SH3RF3: variants seen among roughly 807,000 people sequenced by gnomAD.
SH3RF3 encodes the protein E3 ubiquitin-protein ligase SH3RF3.
SH3RF3 carries 29 observed loss-of-function variants against 66.3 expected under a neutral mutation model. The ratio of observed to expected loss-of-function variants is 0.44; its 90% CI spans 0.33 to 0.60. The LOEUF (loss-of-function observed/expected upper bound fraction) is 0.60. Ranked by LOEUF, SH3RF3 falls within the 20% of genes least tolerant of loss-of-function variation. The pLI, the probability that SH3RF3 is intolerant of heterozygous loss-of-function variation, is 0.04. For synonymous variants in SH3RF3, 583 were observed against 532.0 expected (o/e 1.10, Z -1.32); for missense variants, 1,194 against 1,190.9 (o/e 1.00, Z -0.04).
chr2:109,499,344 G>A (rs1377398882), intron 9 of SH3RF3, among the ~76,000 whole-genome samples: 2 of 152,228 alleles, frequency 1.3e-5, no homozygotes, highest in South Asian at 4.1e-4. Context: ...CGTCAGCCAG[G>A]GGTTTTTAGG....
chr2:109,398,167 G>C (rs1463051167), intron 3 of SH3RF3, among the ~76,000 whole-genome samples: 1 of 152,206 alleles, frequency 6.6e-6, no homozygotes, highest in Admixed American at 6.5e-5. Context: ...GACCTGCAGT[G>C]CTCAGGGCAG....
At chr2:109,156,300 T>C (rs1208255723) in intron 1 of SH3RF3, among the ~76,000 whole-genome samples, 2 of 152,244 alleles carry the variant, frequency 1.3e-5, no homozygotes, top group African/African-American at 4.8e-5. Context: ...CTTCAGTGTT[T>C]TCTCCGCCCC....
intron 1 of SH3RF3, among the ~76,000 whole-genome samples, chr2:109,201,219 T>A (rs1335367306): frequency 1.3e-5 from 2 of 152,246 alleles, no homozygotes; most frequent in Non-Finnish European, 2.9e-5. Flanking sequence ...TAGTTTTGCC[T>A]CTTCTGCACT....
At chr2:109,219,483 G>A (rs1199861328) in intron 1 of SH3RF3, among the ~76,000 whole-genome samples, 1 of 151,964 alleles carries the variant, frequency 6.6e-6, no homozygotes, top group Non-Finnish European at 1.5e-5. Flanking sequence ...TAAATTATTG[G>A]CTTCCAAATT....
chr2:109,252,694 T>A (rs1307842374), intron 1 of SH3RF3, among the ~76,000 whole-genome samples: 2 of 152,208 alleles, frequency 1.3e-5, no homozygotes, highest in African/African-American at 4.8e-5. Flanking sequence ...CTAGCCTACT[T>A]TAAATGTACT....
At chr2:109,457,991 G>T (rs1678107944) in intron 8 of SH3RF3, among the ~76,000 whole-genome samples, 1 of 152,194 alleles carries the variant, frequency 6.6e-6, no homozygotes, top group South Asian at 2.1e-4. Context: ...AACAGAGAGT[G>T]CTGGGTTCGG....
chr2:109,401,776 C>A (rs1223567506), intron 4 of SH3RF3, among the ~76,000 whole-genome samples: 6 of 152,144 alleles, frequency 3.9e-5, no homozygotes, highest in Non-Finnish European at 8.8e-5. Flanking sequence ...GTTGCCATGG[C>A]CTCCGTGTTA....
intron 1 of SH3RF3, among the ~76,000 whole-genome samples, chr2:109,187,280 C>G (rs1006894525): frequency 2.6e-5 from 4 of 152,120 alleles, no homozygotes; most frequent in Non-Finnish European, 4.4e-5. Context: ...ACTCTTCGAT[C>G]TGATGTGACC....
chr2:109,454,746 T>A (rs752311460), intron 8 of SH3RF3, among the ~76,000 whole-genome samples: 8 of 152,152 alleles, frequency 5.3e-5, no homozygotes, highest in Non-Finnish European at 1.2e-4. Context: ...GGAGCTTCTG[T>A]GTTGCTGTGT....
chr2:109,361,016 TG>T (rs1683042247), intron 2 of SH3RF3, among the ~76,000 whole-genome samples: 2 of 152,352 alleles, frequency 1.3e-5, no homozygotes, highest in Admixed American at 6.5e-5. Context: ...TGTAGTTTAC[TG>T]AGAGTTTTTA....
rs182508330 is a variant in SH3RF3 at position 109,315,512 on chromosome 2, C to T, written c.574-32162C>T. On this transcript the variant is annotated intron_variant, in intron 1 of 9. Coordinates refer to ENST00000309415, the MANE Select transcript of SH3RF3 (RefSeq NM_001099289.3). ...GGAACTGTCTCAGTATGAAAATGTG[C>T]ATATACAGAACGACCATCCGTTTTT... 1.9e-3 allele frequency among the ~76,000 whole-genome samples: 287 copies of T among 152,366 alleles called. 2 individuals carry two copies. The highest frequency in any genetic ancestry group is 3.4e-3 in the Non-Finnish European group (233 of 68,038).
intron 1 of SH3RF3, among the ~76,000 whole-genome samples, chr2:109,263,013 T>TA (rs1680396466): frequency 6.6e-6 from 1 of 151,954 alleles, no homozygotes; most frequent in Admixed American, 6.6e-5. Context: ...TTTGTATTTT[T>TA]TTTTGTATTT....
chr2:109,390,916 CTG>C (rs1430282806), intron 3 of SH3RF3, among the ~76,000 whole-genome samples: 1 of 152,194 alleles, frequency 6.6e-6, no homozygotes, highest in East Asian at 1.9e-4. Context: ...CTGCTGTGGG[CTG>C]TGTGACAGCT....
intron 1 of SH3RF3, among the ~76,000 whole-genome samples, chr2:109,200,102 T>A (rs1449399032): frequency 6.6e-6 from 1 of 152,116 alleles, no homozygotes; most frequent in African/African-American, 2.4e-5. Context: ...CAAGCCCTAG[T>A]GATGTGGAGG....
intron 8 of SH3RF3, among the ~76,000 whole-genome samples, chr2:109,450,010 G>A (rs1188164799): frequency 1.3e-5 from 2 of 152,122 alleles, no homozygotes; most frequent in Non-Finnish European, 2.9e-5. Context: ...TGGCTGGTGT[G>A]TTTTTTAGCT....
In SH3RF3 at chr2:109,378,443, C is replaced by G. The variant is rs59384009; in HGVS notation, c.945+6762C>G. ...GGTTGGAACACCTCCGACTCTTAATCTTGCCTATGAACTAGAGGCTGCATG... is the reference window on the plus strand; with the variant it reads ...GGTTGGAACACCTCCGACTCTTAATGTTGCCTATGAACTAGAGGCTGCATG... On this transcript the variant is annotated intron_variant, in intron 3 of 9. Coordinates refer to ENST00000309415, the MANE Select transcript of SH3RF3 (RefSeq NM_001099289.3). Among the ~76,000 whole-genome samples, 1,189 of 152,312 alleles carry G rather than the reference C, an allele frequency of 7.8e-3. 12 individuals carry two copies. The highest frequency in any genetic ancestry group is 0.028 in the African/African-American group (1,145 of 41,564).
In SH3RF3 at chr2:109,404,390, G is replaced by A. The variant is rs187182976; in HGVS notation, c.1299+5447G>A. ...GGGTGCCGATGCAGAACAGGCCAGC[G>A]CCTGGCCTCTGAGTAGCCATGTGGG... On this transcript the variant is annotated intron_variant, in intron 4 of 9. Transcript: ENST00000309415. Among the ~76,000 whole-genome samples the A allele has an allele frequency of 8.7e-3, 1,320 of 152,316 alleles. 19 individuals carry two copies. Among genetic ancestry groups the A allele is most frequent in the African/African-American group, 0.03 (1,260 of 41,568 alleles).
chr2:109,484,550 T>C (rs1394838956), intron 8 of SH3RF3, among the ~76,000 whole-genome samples: 1 of 152,078 alleles, frequency 6.6e-6, no homozygotes, highest in Non-Finnish European at 1.5e-5. Context: ...GCCCGCCCCC[T>C]CCTGTGGAGT....
intron 1 of SH3RF3, among the ~76,000 whole-genome samples, chr2:109,177,914 T>G (rs1266356677): frequency 6.6e-6 from 1 of 152,224 alleles, no homozygotes; most frequent in African/African-American, 2.4e-5. Context: ...GATTTCTCCA[T>G]TAAACTGGAA....
Sources: gnomAD v4.1 joint callset for allele counts (sites outside exome capture counted in the v4.1 genomes callset) on GRCh38, gnomAD v4.1.1 for gene constraint, MANE v1.5 for transcripts, NCBI Gene and HGNC (gene_info 2026-07-23, HGNC 2026-07-21) for gene names.